The following CDH13 variants were observed in gnomAD, a reference collection of about 807,000 sequenced individuals.
CDH13 encodes the protein cadherin 13.
A neutral mutation model predicts 63.8 loss-of-function variants in CDH13; 24 were observed. That is an observed-to-expected ratio of 0.38 (90% CI 0.27 to 0.53). The LOEUF (loss-of-function observed/expected upper bound fraction) is 0.53. Among genes scored for constraint, CDH13 ranks in the 20% least tolerant of loss-of-function variants. The pLI, the probability that CDH13 is intolerant of heterozygous loss-of-function variation, is 0.85. For synonymous variants in CDH13, 503 were observed against 355.3 expected (o/e 1.42, Z -4.67); for missense variants, 1,049 against 903.1 (o/e 1.16, Z -2.07).
At chr16:82,683,619 A>G (rs1218009480) in intron 1 of CDH13, among the ~76,000 whole-genome samples, 1 of 152,242 alleles carries the variant, frequency 6.6e-6, no homozygotes, top group Non-Finnish European at 1.5e-5. Flanking sequence ...GAATCATGTG[A>G]GCATTCATGG....
intron 7 of CDH13, among the ~76,000 whole-genome samples, chr16:83,514,839 A>T (rs1169616119): frequency 6.6e-6 from 1 of 151,984 alleles, no homozygotes. Context: ...AGAAGGAAGG[A>T]CTCTTGTAGA....
At chr16:83,291,929 C>T (rs1223983204) in intron 5 of CDH13, among the ~76,000 whole-genome samples, 1 of 152,138 alleles carries the variant, frequency 6.6e-6, no homozygotes, top group East Asian at 1.9e-4. Context: ...TTGTTTTTAA[C>T]ATACAAATTT....
intron 7 of CDH13, among the ~76,000 whole-genome samples, chr16:83,600,951 T>A (rs1907728989): frequency 6.6e-6 from 1 of 152,100 alleles, no homozygotes; most frequent in Admixed American, 6.6e-5. Context: ...GCATTACCCC[T>A]CCTGTGGTCA....
At chr16:82,958,703 C>T (rs1189905684) in intron 2 of CDH13, among the ~76,000 whole-genome samples, 1 of 152,198 alleles carries the variant, frequency 6.6e-6, no homozygotes, top group African/African-American at 2.4e-5. Context: ...TCACTTGACC[C>T]AGGAGGCACC....
intron 4 of CDH13, among the ~76,000 whole-genome samples, chr16:83,128,722 G>A (rs1358596228): frequency 1.3e-5 from 2 of 152,164 alleles, no homozygotes; most frequent in Non-Finnish European, 2.9e-5. Context: ...TATTCAATGG[G>A]TCCATAAGCA....
intron 10 of CDH13, among the ~76,000 whole-genome samples, chr16:83,706,859 C>G (rs1907145688): frequency 6.6e-6 from 1 of 152,140 alleles, no homozygotes; most frequent in African/African-American, 2.4e-5. Flanking sequence ...ATTTTCCATC[C>G]TTATGTCTCT....
intron 1 of CDH13, among the ~76,000 whole-genome samples, chr16:82,826,981 G>A (rs556327477): frequency 3.9e-5 from 6 of 152,244 alleles, no homozygotes; most frequent in East Asian, 1.9e-4. Flanking sequence ...AATGCCACAC[G>A]GCTGGCTTTG....
chr16:83,242,858 C>T (rs961569433), intron 5 of CDH13, among the ~76,000 whole-genome samples: 3 of 152,200 alleles, frequency 2.0e-5, no homozygotes, highest in Non-Finnish European at 4.4e-5. Flanking sequence ...TCCCCTGACT[C>T]AGCTGGATTC....
intron 7 of CDH13, among the ~76,000 whole-genome samples, chr16:83,515,829 T>G (rs868273278): frequency 1.3e-5 from 2 of 152,216 alleles, no homozygotes; most frequent in Non-Finnish European, 2.9e-5. Context: ...TTTTTGATAT[T>G]GTATTAATGT....
At chr16:82,853,680 A>G (rs962759970) in intron 1 of CDH13, among the ~76,000 whole-genome samples, 1 of 152,200 alleles carries the variant, frequency 6.6e-6, no homozygotes, top group Non-Finnish European at 1.5e-5. Context: ...ATTTTTAGAT[A>G]ATAGAAATCT....
chr16:83,174,724 A>G (rs761698937), intron 4 of CDH13, among the ~76,000 whole-genome samples: 3 of 152,144 alleles, frequency 2.0e-5, no homozygotes, highest in Non-Finnish European at 2.9e-5. Flanking sequence ...TAATATATAA[A>G]GAAAAAAGGT....
At chr16:83,090,521 T>G (rs4782744) in intron 3 of CDH13, among the ~76,000 whole-genome samples, 1 of 149,756 alleles carries the variant, frequency 6.7e-6, no homozygotes, top group Non-Finnish European at 1.5e-5. Context: ...TTGCAGTGAG[T>G]CGAGATCGCG....
intron 5 of CDH13, among the ~76,000 whole-genome samples, chr16:83,319,405 G>A (rs1415171716): frequency 6.6e-6 from 1 of 152,178 alleles, no homozygotes. Flanking sequence ...CAAAGCCAGA[G>A]ACGGAAAGCA....
chr16:83,109,391 G>T (rs977514922), intron 3 of CDH13, among the ~76,000 whole-genome samples: 1 of 152,232 alleles, frequency 6.6e-6, no homozygotes, highest in Non-Finnish European at 1.5e-5. Context: ...TTTGGAAGGA[G>T]TAAGTGGGAA....
intron 1 of CDH13, among the ~76,000 whole-genome samples, chr16:82,828,854 C>T (rs1308535890): frequency 1.3e-5 from 2 of 152,060 alleles, no homozygotes; most frequent in Non-Finnish European, 2.9e-5. Context: ...TATGCGAATA[C>T]TATGCCATTT....
intron 13 of CDH13, among the ~76,000 whole-genome samples, chr16:83,792,602 G>C (rs1311209306): frequency 6.6e-6 from 1 of 152,174 alleles, no homozygotes; most frequent in Non-Finnish European, 1.5e-5. Flanking sequence ...GTGCTGCTAA[G>C]CGTCCTCCCA....
At chr16:83,109,139 C>A (rs146991899) in intron 3 of CDH13, among the ~76,000 whole-genome samples, 1 of 152,092 alleles carries the variant, frequency 6.6e-6, no homozygotes. Flanking sequence ...AAAAGGAAAC[C>A]AGAAGTCACG....
chr16:83,184,774 T>C (rs980568376), intron 4 of CDH13, among the ~76,000 whole-genome samples: 5 of 152,040 alleles, frequency 3.3e-5, no homozygotes, highest in East Asian at 3.9e-4. Context: ...AAGATGTGAG[T>C]CCAGGGTGGG....
At chr16:82,697,307 C>T (rs1437598047) in intron 1 of CDH13, among the ~76,000 whole-genome samples, 3 of 151,956 alleles carry the variant, frequency 2.0e-5, no homozygotes, top group Admixed American at 1.3e-4. Context: ...ATCCATATTC[C>T]CAGGTACTGG....
Sources: gnomAD v4.1 joint callset for allele counts (sites outside exome capture counted in the v4.1 genomes callset) on GRCh38, gnomAD v4.1.1 for gene constraint, MANE v1.5 for transcripts, NCBI Gene and HGNC (gene_info 2026-07-23, HGNC 2026-07-21) for gene names.